The following FAR1 variants were observed in gnomAD, a reference collection of about 807,000 sequenced individuals.
The protein encoded by FAR1 is fatty acyl-CoA reductase 1.
A neutral mutation model predicts 61.1 loss-of-function variants in FAR1; 22 were observed. The ratio of observed to expected loss-of-function variants is 0.36; its 90% CI spans 0.26 to 0.51. The LOEUF (loss-of-function observed/expected upper bound fraction) is 0.51, where lower values mean the gene tolerates loss of function less well. Among genes scored for constraint, FAR1 ranks in the 20% least tolerant of loss-of-function variants. The probability of loss-of-function intolerance (pLI) is 0.95; values close to 1 mark genes in which losing one functional copy is unlikely to be tolerated. For synonymous variants in FAR1, 206 were observed against 209.7 expected, an observed-to-expected ratio of 0.98 and a Z score of 0.15; for missense variants, 359 against 626.9, an observed-to-expected ratio of 0.57 and a Z score of 4.56.
intron 1 of FAR1, among the ~76,000 whole-genome samples, chr11:13,687,029 G>A (rs184382233): frequency 6.6e-6 from 1 of 152,276 alleles, no homozygotes; most frequent in African/African-American, 2.4e-5. Flanking sequence ...AAATTGCAGA[G>A]TTTGGACTTG....
chr11:13,685,914 C>T (rs1848180397), intron 1 of FAR1, among the ~76,000 whole-genome samples: 1 of 152,170 alleles, frequency 6.6e-6, no homozygotes, highest in Non-Finnish European at 1.5e-5. Flanking sequence ...GTTGTTTCCT[C>T]CTGTCGTGAG....
intron 3 of FAR1, 33 bp from the exon 4 acceptor site, chr11:13,707,867 A>G (rs1198023413): frequency 6.9e-7 from 1 of 1,443,634 alleles, no homozygotes; most frequent in Non-Finnish European, 9.2e-7. Context: ...ATAGCTTCCC[A>G]ATTTTCTATT....
At chr11:13,702,488 A>G (rs1190443927) in intron 3 of FAR1, among the ~76,000 whole-genome samples, 1 of 152,148 alleles carries the variant, frequency 6.6e-6, no homozygotes, top group East Asian at 1.9e-4. Context: ...GTGTGTGTAT[A>G]TTTTTGTATA....
At chr11:13,724,687 A>G (rs1237056274) in intron 10 of FAR1, among the ~76,000 whole-genome samples, 7 of 152,132 alleles carry the variant, frequency 4.6e-5, no homozygotes, top group African/African-American at 7.2e-5. Flanking sequence ...AACCTAACAT[A>G]TAATCAAAAA....
chr11:13,671,846 A>G (rs1466052604), intron 1 of FAR1, among the ~76,000 whole-genome samples: 7 of 152,216 alleles, frequency 4.6e-5, no homozygotes, highest in African/African-American at 7.2e-5. Flanking sequence ...TGGGTGTTCA[A>G]TATTGACAAG....
At chr11:13,711,871 A>AAT in intron 6 of FAR1, 57 bp from the exon 7 acceptor site, 3 of 1,540,424 alleles carry the variant, frequency 1.9e-6, no homozygotes, top group Non-Finnish European at 1.8e-6. Context: ...TATATCTTTA[A>AAT]ATATATATAC....
intron 1 of FAR1, among the ~76,000 whole-genome samples, chr11:13,674,394 C>T (rs963601129): frequency 6.6e-6 from 1 of 151,876 alleles, no homozygotes; most frequent in Non-Finnish European, 1.5e-5. Flanking sequence ...TTGTTAGCTA[C>T]TTGATGTGTA....
At chr11:13,723,504 A>AG (rs1848636899) in intron 10 of FAR1, 8 of 330,492 alleles carry the variant, frequency 2.4e-5, no homozygotes, top group Non-Finnish European at 4.1e-5. Flanking sequence ...TTTTCTCTTT[A>AG]TGTTTGCCGC....
At chr11:13,696,144 A>G (rs71482917) in intron 2 of FAR1, among the ~76,000 whole-genome samples, 4,891 of 152,170 alleles carry the variant, frequency 0.032, 113 homozygotes, top group Non-Finnish European at 0.047. Flanking sequence ...TTGTTTACTC[A>G]TCTTGGCATT....
intron 8 of FAR1, among the ~76,000 whole-genome samples, chr11:13,713,546 A>G (rs946488409): frequency 2.0e-5 from 3 of 152,190 alleles, no homozygotes; most frequent in African/African-American, 4.8e-5. Flanking sequence ...TCCTAGTTCT[A>G]TAGGAATAGC....
intron 3 of FAR1, among the ~76,000 whole-genome samples, chr11:13,704,150 A>G (rs927232476): frequency 2.0e-5 from 3 of 152,036 alleles, no homozygotes; most frequent in East Asian, 1.9e-4. Context: ...TAGCTGGTAT[A>G]AGGGAAGGTA....
chr11:13,692,223 ATATGT>A lies in FAR1; in HGVS notation c.-7-2534_-7-2530del, dbSNP rs574144527. Among the ~76,000 whole-genome samples the A allele has an allele frequency of 2.1e-3, 313 of 152,308 alleles. 1 individual carries two copies. The highest frequency in any genetic ancestry group is 7.1e-3 in the African/African-American group (296 of 41,560). ...CTCAAAGGAAATGCTTCCAGATTTC[ATATGT>A]TCAGATTGGGGATGTTCAACCAGTA... is the stretch of plus-strand genomic sequence containing the variant. On this transcript the variant is annotated intron_variant, in intron 1 of 11. Transcript: ENST00000354817.
chr11:13,706,438 G>A (rs140451706), intron 3 of FAR1, among the ~76,000 whole-genome samples: 3 of 152,026 alleles, frequency 2.0e-5, no homozygotes, highest in African/African-American at 7.2e-5. Flanking sequence ...CAACAACAGT[G>A]TATTACTTTG....
intron 9 of FAR1, chr11:13,719,880 A>G (rs1474265084): frequency 6.6e-6 from 1 of 152,172 alleles, no homozygotes; most frequent in African/African-American, 2.4e-5. Context: ...GCCTTACTCT[A>G]AAGGATTGTG....
chr11:13,668,743 C>T lies in FAR1; in HGVS notation c.-71C>T, dbSNP rs545058316. ...AGTGAAGAGAGCGCGACGGCGGCGGCGGCGGCGGCGCAGCTATTGCTGGAC... is the reference window on the plus strand; with the variant it reads ...AGTGAAGAGAGCGCGACGGCGGCGGTGGCGGCGGCGCAGCTATTGCTGGAC... On this transcript the variant is annotated 5_prime_UTR_variant, in exon 1 of 12. Transcript: ENST00000354817. 1.9e-5 allele frequency: 3 copies of T among 156,966 alleles called. No homozygotes were observed. Among genetic ancestry groups the T allele is most frequent in the Admixed American group, 1.3e-4 (2 of 15,336 alleles). The allele number at this position is 156,966 out of a possible 1,614,324, so 9.7% of individuals were successfully genotyped here.
In FAR1 at chr11:13,732,001, T is replaced by G. The variant is rs1237117698; in HGVS notation, c.*3227T>G. On this transcript the variant is annotated 3_prime_UTR_variant, in exon 12 of 12. Coordinates refer to ENST00000354817, the MANE Select transcript of FAR1 (RefSeq NM_032228.6). ...TCTAGGCTGACTCCCAGCCCTGACT[T>G]GAAACCATTAGCGCTAACTTGCTCT... 6.6e-6 allele frequency: 1 copy of G among 152,126 alleles called. No homozygotes were observed. Among genetic ancestry groups the G allele is most frequent in the Non-Finnish European group, 1.5e-5 (1 of 68,016 alleles). The allele number at this position is 152,126 out of a possible 1,614,324, so 9.4% of individuals were successfully genotyped here.
intron 3 of FAR1, among the ~76,000 whole-genome samples, chr11:13,703,111 C>T (rs138157323): frequency 1.4e-3 from 220 of 152,262 alleles, no homozygotes; most frequent in African/African-American, 5.1e-3. Flanking sequence ...AGGTTTGGGT[C>T]AGACACTCTA....
intron 10 of FAR1, among the ~76,000 whole-genome samples, chr11:13,722,060 A>G (rs1848615499): frequency 6.6e-6 from 1 of 152,124 alleles, no homozygotes; most frequent in African/African-American, 2.4e-5. Flanking sequence ...AGTATTTTAG[A>G]GTGGCAAAGG....
rs1408061490 is a variant in FAR1 at position 13,729,715 on chromosome 11, C to T, written c.*941C>T. ...TTTTAAAAGGCTTGTGCTATCTTTC[C>T]AGTGAAAACTGAAAGTGCATTATTA... is the stretch of plus-strand genomic sequence containing the variant. On this transcript the variant is annotated 3_prime_UTR_variant, in exon 12 of 12. Coordinates refer to ENST00000354817, the MANE Select transcript of FAR1 (RefSeq NM_032228.6). The T allele has an allele frequency of 1.3e-5, 2 of 151,880 alleles. No individual in the cohort carries two copies. The highest frequency in any genetic ancestry group is 1.9e-4 in the East Asian group (1 of 5,190). The allele number at this position is 151,880 out of a possible 1,614,324, so 9.4% of individuals were successfully genotyped here.
Sources: gnomAD v4.1 joint callset for allele counts (sites outside exome capture counted in the v4.1 genomes callset) on GRCh38, gnomAD v4.1.1 for gene constraint, MANE v1.5 for transcripts, NCBI Gene and HGNC (gene_info 2026-07-23, HGNC 2026-07-21) for gene names.